The following MDN1 variants were observed in gnomAD, a reference collection of about 807,000 sequenced individuals.
The protein encoded by MDN1 is midasin AAA ATPase 1.
In MDN1, 266 loss-of-function variants were observed where a neutral mutation model predicts 669.2. The observed-to-expected ratio is 0.40, with a 90% CI of 0.36 to 0.44. The LOEUF (loss-of-function observed/expected upper bound fraction) is 0.44. Among genes scored for constraint, MDN1 ranks in the 20% least tolerant of loss-of-function variants. The pLI, the probability that MDN1 is intolerant of heterozygous loss-of-function variation, is 1.00. For synonymous variants in MDN1, 2,385 were observed against 2,457.1 expected (o/e 0.97, Z 0.87); for missense variants, 5,940 against 6,754.0 (o/e 0.88, Z 4.22).
intron 73 of MDN1, among the ~76,000 whole-genome samples, 198 bp from the exon 74 acceptor site, chr6:89,680,949 A>G (rs1347723880): frequency 6.6e-6 from 1 of 152,228 alleles, no homozygotes; most frequent in Non-Finnish European, 1.5e-5. Flanking sequence ...TGAGATCATT[A>G]TAACTGAAGG....
rs138627566 is a variant in MDN1, at chr6:89,662,702, A to G, written c.14412+90T>C. ...AAAAGAGAACAAAACAAATACAGAA[A>G]AAGAAGAGAAGTAAATGACAGAGAA... On this transcript the variant is annotated intron_variant, in intron 86 of 101. Transcript: ENST00000369393. 5.8e-4 allele frequency: 806 copies of G among 1,378,372 alleles called. 7 individuals carry two copies. The African/African-American group carries it at 0.01, about 18-fold the overall frequency. 85.4% of individuals were successfully genotyped at this position (1,378,372 alleles called of 1,614,324 possible). A position where few individuals can be genotyped will look rare whatever the true frequency, so the allele number is the denominator to read the frequency against.
chr6:89,785,037 T>C lies in MDN1; in HGVS notation c.1424A>G (p.Asn475Ser), dbSNP rs1818880612. 6.2e-7 allele frequency: 1 copy of C among 1,613,512 alleles called. No homozygotes were observed. The highest frequency in any genetic ancestry group is 1.3e-5 in the African/African-American group (1 of 74,918). Residue 475 changes from asparagine to serine, a missense_variant, in exon 9 of 102, where the codon AAC becomes AGC. By Grantham distance (46) the Asn-to-Ser change is conservative. Around this residue, in one of 5 missense-constraint regions of MDN1, gnomAD observed 1,203 missense variants for 1,268.9 expected, o/e 0.95. Transcript: ENST00000369393. Reference protein sequence around the residue: ...DKYWTKIHLDNLDKRELNEVL... With the variant: ...DKYWTKIHLDSLDKRELNEVL... The stretch of plus-strand genomic sequence containing the variant: ...CTCATTCAGTTCTCTCTTATCCAGG[T>C]TATCCAGGTGAATTTTGGTCCAATA...
chr6:89,780,891 C>A (rs547098142), intron 10 of MDN1, among the ~76,000 whole-genome samples: 2 of 151,276 alleles, frequency 1.3e-5, no homozygotes, highest in Non-Finnish European at 2.9e-5. Context: ...TCTCATGATC[C>A]GCCCACCTCG....
chr6:89,747,232 T>C (rs1816682256), intron 27 of MDN1, 97 bp downstream of exon 27: 10 of 1,385,794 alleles, frequency 7.2e-6, no homozygotes, highest in Non-Finnish European at 9.8e-6. Context: ...CCTAGTCAAA[T>C]GTATGTATCA....
chr6:89,672,077 T>G (rs988412440), intron 82 of MDN1, 123 bp downstream of exon 82: 1 of 966,998 alleles, frequency 1.0e-6, no homozygotes, highest in Non-Finnish European at 1.4e-6. Flanking sequence ...GAGACCAAGT[T>G]CTTAGTGATT....
intron 74 of MDN1, 138 bp from the exon 75 acceptor site, chr6:89,678,883 A>C: frequency 1.2e-6 from 1 of 840,190 alleles, no homozygotes; most frequent in Admixed American, 3.4e-5. Context: ...TGGGTACTTA[A>C]CATAGTCCCT....
intron 33 of MDN1, among the ~76,000 whole-genome samples, chr6:89,734,422 C>G (rs760090519): frequency 1.3e-5 from 2 of 152,014 alleles, no homozygotes; most frequent in Admixed American, 1.3e-4. Context: ...TGAGGCCAGG[C>G]ACCATGGCTC....
intron 40 of MDN1, among the ~76,000 whole-genome samples, chr6:89,722,435 T>C (rs371192915): frequency 3.3e-5 from 5 of 152,360 alleles, no homozygotes; most frequent in African/African-American, 9.6e-5. Context: ...TATGTGATCA[T>C]GGGGATTTGG....
chr6:89,780,192 A>G lies in MDN1; in HGVS notation c.1725+20T>C. 2 of 1,421,556 alleles carry G rather than the reference A, an allele frequency of 1.4e-6. No homozygotes were observed. The highest frequency in any genetic ancestry group is 1.9e-6 in the Non-Finnish European group (2 of 1,048,092). The allele number at this position is 1,421,556 out of a possible 1,614,324, so 88.1% of individuals were successfully genotyped here. ...GCCTTACAGAACCAAGACAAAAAAG[A>G]CTGGAAAACTATATCTTACCTCTTG... is the stretch of plus-strand genomic sequence containing the variant. On this transcript the variant is annotated intron_variant, in intron 11 of 101. Coordinates refer to ENST00000369393, the MANE Select transcript of MDN1 (RefSeq NM_014611.3).
rs145423323 is a variant in MDN1, at chr6:89,674,529, G to C, written c.12822C>G (p.Pro4274=). The C allele has an allele frequency of 6.2e-7, 1 of 1,604,874 alleles. No individual in the cohort carries two copies. Among genetic ancestry groups the C allele is most frequent in the Non-Finnish European group, 8.5e-7 (1 of 1,178,732 alleles). Residue 4274 remains proline, a synonymous_variant, in exon 79 of 102, where the codon CCC becomes CCG. Coordinates refer to ENST00000369393, the MANE Select transcript of MDN1 (RefSeq NM_014611.3). ...CGCCATCCTGAGGGGGGAAGGCCAC[G>C]GGGTAGGCCTGGGGCCCCATCAGCC... ...HSRLMGPQAY[P]VAFPPQDGVQ... is the part of the protein sequence containing the mutation.
intron 1 of MDN1, among the ~76,000 whole-genome samples, chr6:89,819,013 A>G (rs1157476460): frequency 6.6e-6 from 1 of 152,146 alleles, no homozygotes; most frequent in Non-Finnish European, 1.5e-5. Context: ...AATTTCCCTC[A>G]TGGCAGAGAT....
Position 89,642,673 on chromosome 6 carries a change from A to AT in MDN1, c.*1331_*1332insA, listed in dbSNP as rs1178262030. 6.6e-6 allele frequency: 1 copy of AT among 152,272 alleles called. No homozygotes were observed. Among genetic ancestry groups the AT allele is most frequent in the African/African-American group, 2.4e-5 (1 of 41,470 alleles). The allele number at this position is 152,272 out of a possible 1,614,324, so 9.4% of individuals were successfully genotyped here. ...AAGTAGGAGGGGATCATGTTAGCACAGCATCAACTAGTAACAGCTGACTGA... is the reference window on the plus strand; with the variant it reads ...AAGTAGGAGGGGATCATGTTAGCACATGCATCAACTAGTAACAGCTGACTGA... On this transcript the variant is annotated 3_prime_UTR_variant, in exon 102 of 102. Transcript: ENST00000369393.
chr6:89,707,267 T>C, intron 52 of MDN1, 94 bp downstream of exon 52: 1 of 858,786 alleles, frequency 1.2e-6, no homozygotes, highest in Non-Finnish European at 1.9e-6. Context: ...AAGAAACCAG[T>C]AAACAACAGC....
chr6:89,738,241 G>T, intron 33 of MDN1, 85 bp downstream of exon 33: 1 of 1,455,236 alleles, frequency 6.9e-7, no homozygotes. Flanking sequence ...TACACACAGG[G>T]CTGATGTCCT....
Position 89,673,517 on chromosome 6 carries a change from C to T in MDN1, c.13248-55G>A. 7 of 1,470,074 alleles carry T rather than the reference C, an allele frequency of 4.8e-6. No homozygotes were observed. The South Asian group carries it at 8.1e-5, about 17-fold the overall frequency. The allele number at this position is 1,470,074 out of a possible 1,614,324, so 91.1% of individuals were successfully genotyped here. A position where few individuals can be genotyped will look rare whatever the true frequency, so the allele number is the denominator to read the frequency against. On this transcript the variant is annotated intron_variant, in intron 79 of 101. Coordinates refer to ENST00000369393, the MANE Select transcript of MDN1 (RefSeq NM_014611.3). ...GAATGCATTACAGTTCCCACAAACA[C>T]ACACCCCTCCCTGCAACCACTACAA...
intron 76 of MDN1, 132 bp downstream of exon 76, chr6:89,677,438 A>C (rs1811271522): frequency 1.7e-6 from 2 of 1,143,552 alleles, no homozygotes; most frequent in African/African-American, 3.1e-5. Flanking sequence ...ATCCTGAGCC[A>C]GGCACTTTTG....
chr6:89,817,334 A>G (rs907994149), intron 1 of MDN1, among the ~76,000 whole-genome samples: 12 of 152,176 alleles, frequency 7.9e-5, no homozygotes, highest in Admixed American at 5.9e-4. Flanking sequence ...AAGTATCACA[A>G]TTTGGGAGTA....
intron 10 of MDN1, 75 bp downstream of exon 10, chr6:89,781,324 C>T: frequency 6.8e-7 from 1 of 1,470,742 alleles, no homozygotes; most frequent in Non-Finnish European, 9.4e-7. Context: ...GCACTCCAGC[C>T]TGGGTAACAG....
At chr6:89,759,622 G>T (rs1386919294) in intron 17 of MDN1, among the ~76,000 whole-genome samples, 1 of 151,956 alleles carries the variant, frequency 6.6e-6, no homozygotes, top group Non-Finnish European at 1.5e-5. Flanking sequence ...AAAATAGCCG[G>T]GCGTGGTGGC....
Sources: allele counts gnomAD v4.1 joint callset (sites outside exome capture counted in the v4.1 genomes callset), GRCh38; gene constraint gnomAD v4.1.1; regional missense constraint gnomAD v4.1.1; transcripts MANE v1.5; gene names NCBI Gene and HGNC (gene_info 2026-07-23, HGNC 2026-07-21).